C10orf67: variants seen among roughly 807,000 people sequenced by gnomAD.
C10orf67 encodes the protein chromosome 10 open reading frame 67.
Under a neutral mutation model 35.6 loss-of-function variants are expected in C10orf67, and 60 were observed. That is an observed-to-expected ratio of 1.68 (90% CI 1.37 to 2.09). The LOEUF is 2.09. C10orf67 is among the 30% of genes most tolerant of loss of function. The probability of loss-of-function intolerance (pLI) is 0.00; values close to 1 mark genes in which losing one functional copy is unlikely to be tolerated. For synonymous variants in C10orf67, 167 were observed against 115.8 expected, an observed-to-expected ratio of 1.44 and a Z score of -2.84; for missense variants, 474 against 330.2, an observed-to-expected ratio of 1.44 and a Z score of -3.38.
intron 2 of C10orf67, among the ~76,000 whole-genome samples, chr10:23,323,396 A>T (rs1201207910): frequency 2.0e-5 from 3 of 152,004 alleles, no homozygotes; most frequent in South Asian, 2.1e-4. Flanking sequence ...GGTGGGTGAA[A>T]CTCAGGTGAG....
At chr10:23,214,820 C>T (rs368476296) in intron 15 of C10orf67, among the ~76,000 whole-genome samples, 9 of 152,212 alleles carry the variant, frequency 5.9e-5, no homozygotes, top group East Asian at 1.9e-4. Context: ...GTCAGGAGTT[C>T]GACACCAGCC....
At chr10:23,230,917 C>T (rs1027782954) in intron 13 of C10orf67, among the ~76,000 whole-genome samples, 34 of 152,254 alleles carry the variant, frequency 2.2e-4, no homozygotes, top group Middle Eastern at 6.8e-3. Context: ...AACTATCTGG[C>T]ATTAGCTTCT....
chr10:23,331,905 T>C (rs1359409232), intron 2 of C10orf67, among the ~76,000 whole-genome samples: 2 of 152,306 alleles, frequency 1.3e-5, no homozygotes, highest in African/African-American at 4.8e-5. Context: ...ATAAAATGTT[T>C]CTGAAAGTAT....
intron 12 of C10orf67, among the ~76,000 whole-genome samples, chr10:23,248,160 G>A (rs1842363573): frequency 6.6e-6 from 1 of 152,166 alleles, no homozygotes; most frequent in Non-Finnish European, 1.5e-5. Context: ...TAAACATGGT[G>A]GGCAAAAGTG....
chr10:23,336,984 T>C (rs956940040), intron 1 of C10orf67, among the ~76,000 whole-genome samples: 3 of 151,974 alleles, frequency 2.0e-5, no homozygotes, highest in African/African-American at 7.3e-5. Context: ...CAAAAGATGA[T>C]GGGAAAATGT....
chr10:23,224,948 G>GGATAT, intron 13 of C10orf67, among the ~76,000 whole-genome samples: 1 of 152,322 alleles, frequency 6.6e-6, no homozygotes, highest in South Asian at 2.1e-4. Flanking sequence ...ACACTCTGCA[G>GGATAT]GATATTATCC....
intron 4 of C10orf67, among the ~76,000 whole-genome samples, chr10:23,310,450 A>G (rs1306334007): frequency 6.6e-6 from 1 of 152,232 alleles, no homozygotes; most frequent in African/African-American, 2.4e-5. Flanking sequence ...TTAAGGGAAC[A>G]GAAACAAGTG....
In C10orf67 at chr10:23,305,988, C is replaced by G. The variant is rs4748853; in HGVS notation, c.547-2529G>C. On this transcript the variant is annotated intron_variant, in intron 4 of 15. Coordinates refer to ENST00000636213, the MANE Select transcript of C10orf67 (RefSeq NM_001371909.1). ...ACGCGCACACACACACACACACACT[C>G]TCTCTCTCACATACACACACACACA... Among the ~76,000 whole-genome samples the G allele has an allele frequency of 0.059, 9,003 of 151,986 alleles. 1,254 individuals are homozygous for G. The East Asian group carries it at 0.62, about 10-fold the overall frequency.
intron 8 of C10orf67, among the ~76,000 whole-genome samples, chr10:23,280,663 T>C (rs1474955392): frequency 6.6e-6 from 1 of 152,166 alleles, no homozygotes; most frequent in Non-Finnish European, 1.5e-5. Flanking sequence ...GGCAACAAGC[T>C]TGGGGCGCAA....
In C10orf67 at chr10:23,203,909, G is replaced by T; in HGVS notation, c.*264C>A. On this transcript the variant is annotated 3_prime_UTR_variant, in exon 16 of 16. Coordinates refer to ENST00000636213, the MANE Select transcript of C10orf67 (RefSeq NM_001371909.1). The stretch of plus-strand genomic sequence containing the variant: ...GAGTCCCCGGAGCTCCTGAATGGAT[G>T]TGGTTGCCCCGGAGGTTCAGTGCGC... 3.2e-6 allele frequency: 1 copy of T among 309,282 alleles called. No individual in the cohort carries two copies. Among genetic ancestry groups the T allele is most frequent in the Non-Finnish European group, 5.9e-6 (1 of 170,700 alleles). The allele number at this position is 309,282 out of a possible 1,614,324, so 19.2% of individuals were successfully genotyped here.
intron 2 of C10orf67, 119 bp downstream of exon 2, chr10:23,332,943 T>C: frequency 1.0e-6 from 1 of 983,302 alleles, no homozygotes; most frequent in Non-Finnish European, 1.5e-6. Context: ...ATTCAGCTGT[T>C]TGTCAAAGAT....
intron 12 of C10orf67, among the ~76,000 whole-genome samples, chr10:23,248,606 C>T (rs754601247): frequency 6.6e-6 from 1 of 152,148 alleles, no homozygotes; most frequent in Non-Finnish European, 1.5e-5. Context: ...AATCTAGGAT[C>T]AGTTACAGTA....
chr10:23,207,380 C>T (rs535176802), intron 15 of C10orf67, among the ~76,000 whole-genome samples: 3 of 152,116 alleles, frequency 2.0e-5, no homozygotes, highest in African/African-American at 4.8e-5. Context: ...TTTAGAATGA[C>T]GCTGTACAAA....
At chr10:23,228,177 T>G (rs916923913) in intron 13 of C10orf67, among the ~76,000 whole-genome samples, 1 of 152,142 alleles carries the variant, frequency 6.6e-6, no homozygotes, top group African/African-American at 2.4e-5. Flanking sequence ...TCACACTACC[T>G]GACTTCAAAC....
chr10:23,305,996 CACAT>C (rs1844261337), intron 4 of C10orf67, among the ~76,000 whole-genome samples: 2 of 151,960 alleles, frequency 1.3e-5, no homozygotes, highest in Non-Finnish European at 2.9e-5. Context: ...CTCTCTCTCT[CACAT>C]ACACACACAC....
At chr10:23,271,765 T>C (rs1472955500) in intron 8 of C10orf67, among the ~76,000 whole-genome samples, 1 of 152,246 alleles carries the variant, frequency 6.6e-6, no homozygotes, top group East Asian at 1.9e-4. Flanking sequence ...TTTAAAAAAT[T>C]GGGTTGTTTT....
At chr10:23,307,469 A>G (rs1452385567) in intron 4 of C10orf67, among the ~76,000 whole-genome samples, 3 of 152,230 alleles carry the variant, frequency 2.0e-5, no homozygotes, top group African/African-American at 7.2e-5. Flanking sequence ...GGCTATGAAC[A>G]GCACTGGCAT....
chr10:23,342,921 G>A (rs919142996), intron 1 of C10orf67, among the ~76,000 whole-genome samples: 1 of 152,216 alleles, frequency 6.6e-6, no homozygotes, highest in African/African-American at 2.4e-5. Context: ...GGCACCATGA[G>A]GCCCCTGCCT....
chr10:23,202,088 C>G (rs1195703120), downstream of C10orf67: 1 of 152,244 alleles, frequency 6.6e-6, no homozygotes, highest in African/African-American at 2.4e-5. Context: ...TAACTCCTTG[C>G]AAGTCAGTCT....
Sources: gnomAD v4.1 joint callset for allele counts (sites outside exome capture counted in the v4.1 genomes callset) on GRCh38, gnomAD v4.1.1 for gene constraint, MANE v1.5 for transcripts, NCBI Gene and HGNC (gene_info 2026-07-23, HGNC 2026-07-21) for gene names.